The following PEAK1 variants were observed in gnomAD, a reference collection of about 807,000 sequenced individuals.
The protein encoded by PEAK1 is inactive tyrosine-protein kinase PEAK1.
Under a neutral mutation model 124.7 loss-of-function variants are expected in PEAK1, and 54 were observed. The ratio of observed to expected loss-of-function variants is 0.43; its 90% CI spans 0.35 to 0.54. The LOEUF (loss-of-function observed/expected upper bound fraction) is 0.54, where lower values mean the gene tolerates loss of function less well. PEAK1 is among the 20% of genes least tolerant of loss of function. The pLI is 0.01. For synonymous variants in PEAK1, 719 were observed against 760.0 expected, an observed-to-expected ratio of 0.95 and a Z score of 0.89; for missense variants, 2,046 against 2,134.5, an observed-to-expected ratio of 0.96 and a Z score of 0.82.
intron 2 of PEAK1, among the ~76,000 whole-genome samples, chr15:77,329,609 T>C (rs2065780788): frequency 6.6e-6 from 1 of 152,196 alleles, no homozygotes; most frequent in Admixed American, 6.5e-5. Flanking sequence ...TCATATTTTC[T>C]AATAATACAT....
chr15:77,247,207 T>C (rs1214654091), intron 6 of PEAK1, among the ~76,000 whole-genome samples: 2 of 152,192 alleles, frequency 1.3e-5, no homozygotes, highest in African/African-American at 4.8e-5. Context: ...TCTGCATTCC[T>C]TTGATTTCTT....
At chr15:77,347,601 C>T (rs909262404) in intron 2 of PEAK1, 3 of 985,268 alleles carry the variant, frequency 3.0e-6, no homozygotes, top group Middle Eastern at 5.2e-4. Flanking sequence ...TTGACCTACA[C>T]ATTTGAGATA....
At chr15:77,213,173 G>C (rs1419494957) in intron 6 of PEAK1, among the ~76,000 whole-genome samples, 3 of 152,018 alleles carry the variant, frequency 2.0e-5, no homozygotes, top group Admixed American at 2.0e-4. Context: ...TTGAGAAAAG[G>C]AAATAGAAAA....
intron 7 of PEAK1, among the ~76,000 whole-genome samples, chr15:77,177,537 A>G (rs775884701): frequency 2.0e-5 from 3 of 152,114 alleles, no homozygotes; most frequent in Non-Finnish European, 1.5e-5. Flanking sequence ...ATTTTTTATT[A>G]TACTTTTATA....
intron 9 of PEAK1, among the ~76,000 whole-genome samples, chr15:77,128,022 T>C (rs2052536100): frequency 6.8e-6 from 1 of 148,060 alleles, no homozygotes; most frequent in African/African-American, 2.5e-5. Context: ...GAGGCTGCAG[T>C]GAACCGAGAT....
At chr15:77,330,895 T>C in intron 2 of PEAK1, 1 of 372,724 alleles carries the variant, frequency 2.7e-6, no homozygotes, top group Non-Finnish European at 3.7e-6. Flanking sequence ...ACCTGTTTTG[T>C]TTTTTCCTCA....
chr15:77,170,886 T>C (rs1467504635), intron 7 of PEAK1, among the ~76,000 whole-genome samples: 2 of 151,884 alleles, frequency 1.3e-5, no homozygotes, highest in African/African-American at 2.4e-5. Flanking sequence ...CACCAAAGAG[T>C]TGCAGAAATG....
At chr15:77,147,848 C>T (rs1006317454) in intron 8 of PEAK1, among the ~76,000 whole-genome samples, 11 of 152,286 alleles carry the variant, frequency 7.2e-5, no homozygotes, top group African/African-American at 2.4e-4. Flanking sequence ...TAAAGCAGAG[C>T]TGTTCAATAG....
chr15:77,407,966 CAT>C (rs1173995544), intron 1 of PEAK1, among the ~76,000 whole-genome samples: 7 of 146,838 alleles, frequency 4.8e-5, no homozygotes, highest in African/African-American at 1.5e-4. Flanking sequence ...CATATATACA[CAT>C]ATATACACAC....
intron 1 of PEAK1, among the ~76,000 whole-genome samples, chr15:77,406,437 G>A (rs2071826228): frequency 1.3e-5 from 2 of 152,148 alleles, no homozygotes; most frequent in South Asian, 4.1e-4. Flanking sequence ...TAATGTTTCA[G>A]GATACAAAAT....
chr15:77,201,686 T>C (rs745886146), intron 6 of PEAK1, among the ~76,000 whole-genome samples: 2 of 152,236 alleles, frequency 1.3e-5, no homozygotes, highest in Non-Finnish European at 2.9e-5. Context: ...AGTGTTGATA[T>C]GCTAGATATA....
intron 8 of PEAK1, among the ~76,000 whole-genome samples, chr15:77,146,228 A>G (rs2054166176): frequency 6.6e-6 from 1 of 152,164 alleles, no homozygotes. Flanking sequence ...TCAGCAGCTT[A>G]GGAGGAAGGG....
chr15:77,261,482 C>T (rs942572479), intron 5 of PEAK1, among the ~76,000 whole-genome samples: 1 of 152,058 alleles, frequency 6.6e-6, no homozygotes, highest in Admixed American at 6.5e-5. Context: ...AATGCACGAG[C>T]CTCAGCAGCC....
At position 77,304,518 on chromosome 15, in the gene PEAK1, TG is replaced by T. The variant is rs2063972873; in HGVS notation, c.-602-18015del. ...GGCTGGAGTAAAGTGGCGCGATCTC[TG>T]CTCACTGCAAGCTCTGCCTCCTGGG... On this transcript the variant is annotated intron_variant, in intron 2 of 9. Transcript: ENST00000682557. Among the ~76,000 whole-genome samples, 3 of 147,334 alleles carry T rather than the reference TG, an allele frequency of 2.0e-5. No homozygotes were observed. In the East Asian group the frequency reaches 6.1e-4, roughly 30 times the overall value.
At chr15:77,293,127 T>G (rs756566204) in intron 2 of PEAK1, among the ~76,000 whole-genome samples, 8 of 152,196 alleles carry the variant, frequency 5.3e-5, no homozygotes, top group Admixed American at 3.9e-4. Context: ...ATTCTTCCCC[T>G]GAATTATCTC....
chr15:77,334,063 CTCTT>C (rs2066049723), intron 2 of PEAK1: 1 of 758,622 alleles, frequency 1.3e-6, no homozygotes, highest in South Asian at 6.1e-5. Flanking sequence ...TTATTCAACT[CTCTT>C]TATGTTATCC....
At chr15:77,329,010 C>T (rs749550926) in intron 2 of PEAK1, among the ~76,000 whole-genome samples, 1 of 152,178 alleles carries the variant, frequency 6.6e-6, no homozygotes, top group Non-Finnish European at 1.5e-5. Context: ...TCATGTATTA[C>T]ATTTCGTTAG....
chr15:77,224,719 C>T (rs960978421), intron 6 of PEAK1, among the ~76,000 whole-genome samples: 6 of 152,040 alleles, frequency 3.9e-5, no homozygotes, highest in Non-Finnish European at 7.4e-5. Flanking sequence ...TATAATTTCT[C>T]ACAGCACTTA....
At chr15:77,259,246 T>C (rs1350391930) in intron 5 of PEAK1, among the ~76,000 whole-genome samples, 1 of 152,158 alleles carries the variant, frequency 6.6e-6, no homozygotes. Flanking sequence ...GATCAAATGG[T>C]TTATTTTAGT....
Sources: gnomAD v4.1 joint callset for allele counts (sites outside exome capture counted in the v4.1 genomes callset) on GRCh38, gnomAD v4.1.1 for gene constraint, MANE v1.5 for transcripts, NCBI Gene and HGNC (gene_info 2026-07-23, HGNC 2026-07-21) for gene names.